CCDC146: variants seen among roughly 807,000 people sequenced by gnomAD.
The protein encoded by CCDC146 is coiled-coil domain-containing protein 146.
Under a neutral mutation model 119.3 loss-of-function variants are expected in CCDC146, and 92 were observed. That is an observed-to-expected ratio of 0.77 (90% CI 0.65 to 0.92). CCDC146 has a LOEUF of 0.92. Ranked by LOEUF, CCDC146 falls within the 40% of genes least tolerant of loss-of-function variation. The pLI is 0.00. For synonymous variants in CCDC146, 372 were observed against 371.8 expected (o/e 1.00, Z -0.01); for missense variants, 1,000 against 1,103.0 (o/e 0.91, Z 1.32).
In CCDC146 at chr7:77,278,844, A is replaced by G; in HGVS notation, c.1529+4A>G. 1 of 1,608,654 alleles carries G rather than the reference A, an allele frequency of 6.2e-7. No individual in the cohort carries two copies. ...AAAAATGTGAAATTTATCGGAGGTA[A>G]AGTAATTATGTGGTGTTTTATCTAC... is the stretch of plus-strand genomic sequence containing the variant. On this transcript the variant is annotated splice_donor_region_variant and intron_variant, in intron 12 of 18. Coordinates refer to ENST00000285871, the MANE Select transcript of CCDC146 (RefSeq NM_020879.3).
chr7:77,275,470 A>C (rs1057376309), intron 11 of CCDC146, among the ~76,000 whole-genome samples: 2 of 152,212 alleles, frequency 1.3e-5, no homozygotes, highest in Admixed American at 1.3e-4. Flanking sequence ...ATTGATAATG[A>C]TCGGAGGATT....
chr7:77,259,586 A>G (rs1793249154), intron 7 of CCDC146, among the ~76,000 whole-genome samples: 2 of 152,218 alleles, frequency 1.3e-5, no homozygotes, highest in African/African-American at 4.8e-5. Context: ...TTCTGGAAAA[A>G]TAATATAATT....
chr7:77,260,388 C>A, intron 8 of CCDC146, 152 bp downstream of exon 8: 3 of 585,338 alleles, frequency 5.1e-6, no homozygotes, highest in Non-Finnish European at 8.7e-6. Context: ...TCAAATAAAG[C>A]ACTTTGAAGT....
intron 2 of CCDC146, chr7:77,199,441 C>T (rs777363078): frequency 1.9e-6 from 3 of 1,614,170 alleles, no homozygotes; most frequent in Non-Finnish European, 1.7e-6. Flanking sequence ...GGCTCCTGTA[C>T]TGGGTAACAA....
chr7:77,142,227 C>T (rs866466949), intron 1 of CCDC146, among the ~76,000 whole-genome samples: 1 of 152,082 alleles, frequency 6.6e-6, no homozygotes, highest in Middle Eastern at 3.4e-3. Flanking sequence ...GGCAATCAGG[C>T]AAGAGAAAGA....
At chr7:77,289,317 G>A (rs73703308) in intron 17 of CCDC146, among the ~76,000 whole-genome samples, 36,383 of 151,976 alleles carry the variant, frequency 0.24, 5,121 homozygotes, top group African/African-American at 0.38. Flanking sequence ...CATAGCGGCC[G>A]CTTCCCATAG....
In CCDC146 at chr7:77,215,745, A is replaced by T. The variant is rs529907677; in HGVS notation, c.157-21202A>T. Among the ~76,000 whole-genome samples the T allele has an allele frequency of 2.3e-4, 35 of 151,152 alleles. 1 individual carries two copies. Among genetic ancestry groups the T allele is most frequent in the South Asian group, 2.3e-3 (11 of 4,806 alleles). On this transcript the variant is annotated intron_variant, in intron 2 of 18. Transcript: ENST00000285871. Reference sequence around the variant, plus strand: ...TGACTTTATCCCACAGTTTACACATAACTGTTTCAGAATAACACTACTACC... The same window carrying T: ...TGACTTTATCCCACAGTTTACACATTACTGTTTCAGAATAACACTACTACC...
intron 2 of CCDC146, among the ~76,000 whole-genome samples, chr7:77,235,737 T>C (rs544902372): frequency 4.6e-5 from 7 of 152,196 alleles, no homozygotes; most frequent in African/African-American, 1.7e-4. Flanking sequence ...CTTGGGCCAG[T>C]GGGATCAGGG....
chr7:77,212,793 A>T lies in CCDC146; in HGVS notation c.157-24154A>T, dbSNP rs191306268. ...GATTCTAGCCTACATGGCAAGAGGT[A>T]AGGTAATGTGGTAATGTAATAGAAA... On this transcript the variant is annotated intron_variant, in intron 2 of 18. Transcript: ENST00000285871. Among the ~76,000 whole-genome samples, 4 of 152,178 alleles carry T rather than the reference A, an allele frequency of 2.6e-5. No homozygotes were observed. The East Asian group carries it at 7.7e-4, about 29-fold the overall frequency.
rs184568464 is a variant in CCDC146 at position 77,266,738 on chromosome 7, A to G, written c.1173+4431A>G. 2.6e-5 allele frequency among the ~76,000 whole-genome samples: 4 copies of G among 152,240 alleles called. No individual in the cohort carries two copies. The East Asian group carries it at 5.8e-4, about 22-fold the overall frequency. ...TGCAGCTCTACACCAGCTGTTCTCC[A>G]TAGGTCCAGCTCCTTTCATGTCCAA... On this transcript the variant is annotated intron_variant, in intron 9 of 18. Coordinates refer to ENST00000285871, the MANE Select transcript of CCDC146 (RefSeq NM_020879.3).
chr7:77,236,091 A>AAATAAATAAATAAATAAATAAATG (rs1245729417), intron 2 of CCDC146, among the ~76,000 whole-genome samples: 114 of 152,120 alleles, frequency 7.5e-4, no homozygotes, highest in Non-Finnish European at 1.5e-3. Flanking sequence ...ATAAATAAAT[A>AAATAAATAAATAAATAAATAAATG]AATGTAAGAA....
chr7:77,238,521 A>G (rs1333065014), intron 3 of CCDC146, among the ~76,000 whole-genome samples: 2 of 151,996 alleles, frequency 1.3e-5, no homozygotes, highest in African/African-American at 4.8e-5. Flanking sequence ...GGTTCACGCC[A>G]TTCTCCTGCC....
intron 1 of CCDC146, among the ~76,000 whole-genome samples, chr7:77,142,574 C>T (rs1584020395): frequency 6.6e-6 from 1 of 151,968 alleles, no homozygotes; most frequent in South Asian, 2.1e-4. Context: ...CTTCCCCCAC[C>T]TTACAACAGG....
intron 1 of CCDC146, among the ~76,000 whole-genome samples, chr7:77,166,232 G>A (rs1562820827): frequency 6.6e-6 from 1 of 152,168 alleles, no homozygotes; most frequent in Non-Finnish European, 1.5e-5. Context: ...ATTCACAGAG[G>A]AAGCTGATTT....
chr7:77,284,368 A>G (rs574533408), intron 15 of CCDC146, among the ~76,000 whole-genome samples: 58 of 151,706 alleles, frequency 3.8e-4, no homozygotes, highest in African/African-American at 1.3e-3. Flanking sequence ...CTCTCCCTCC[A>G]CAGCCTCCTC....
intron 11 of CCDC146, among the ~76,000 whole-genome samples, chr7:77,277,373 T>C (rs1364854139): frequency 6.6e-6 from 1 of 152,250 alleles, no homozygotes; most frequent in African/African-American, 2.4e-5. Context: ...CTAATCTATG[T>C]AAAGCAAACC....
Position 77,287,427 on chromosome 7 carries a change from T to C in CCDC146, c.2278-13T>C. 6.2e-7 allele frequency: 1 copy of C among 1,613,336 alleles called. No homozygotes were observed. The highest frequency in any genetic ancestry group is 8.5e-7 in the Non-Finnish European group (1 of 1,179,638). Reference sequence around the variant, plus strand: ...TTTTTTTTTATTCCTCTTGAACCAATTTTCAAACATAGCTGGAACTACAAC... The same window carrying C: ...TTTTTTTTTATTCCTCTTGAACCAACTTTCAAACATAGCTGGAACTACAAC... On this transcript the variant is annotated splice_polypyrimidine_tract_variant and intron_variant, in intron 16 of 18. Coordinates refer to ENST00000285871, the MANE Select transcript of CCDC146 (RefSeq NM_020879.3).
chr7:77,200,900 AT>A (rs1205325288), intron 2 of CCDC146, among the ~76,000 whole-genome samples: 1 of 152,246 alleles, frequency 6.6e-6, no homozygotes, highest in African/African-American at 2.4e-5. Flanking sequence ...TGCTTTAAAA[AT>A]AATTTCAAAA....
intron 1 of CCDC146, among the ~76,000 whole-genome samples, chr7:77,151,980 C>G (rs931598828): frequency 2.6e-5 from 4 of 152,212 alleles, no homozygotes; most frequent in Non-Finnish European, 5.9e-5. Context: ...CTCTTGGGCC[C>G]TCTCTGCCTA....
Sources: allele counts gnomAD v4.1 joint callset (sites outside exome capture counted in the v4.1 genomes callset), GRCh38; gene constraint gnomAD v4.1.1; transcripts MANE v1.5; gene names NCBI Gene and HGNC (gene_info 2026-07-23, HGNC 2026-07-21).